Variants in PRDM11 observed in about 807,000 individuals in gnomAD.
PRDM11 encodes the protein PR domain-containing protein 11.
PRDM11 carries 20 observed loss-of-function variants against 97.8 expected under a neutral mutation model. The ratio of observed to expected loss-of-function variants is 0.20; its 90% CI spans 0.14 to 0.30. The LOEUF is 0.30. Ranked by LOEUF, PRDM11 falls within the 10% of genes least tolerant of loss-of-function variation. The probability of loss-of-function intolerance (pLI) is 1.00; values close to 1 mark genes in which losing one functional copy is unlikely to be tolerated. For synonymous variants in PRDM11, 599 were observed against 637.7 expected (o/e 0.94, Z 0.91); for missense variants, 1,139 against 1,555.2 (o/e 0.73, Z 4.50).
chr11:45,116,436 A>C (rs1464729699), intron 1 of PRDM11, among the ~76,000 whole-genome samples: 1 of 152,254 alleles, frequency 6.6e-6, no homozygotes, highest in Non-Finnish European at 1.5e-5. Flanking sequence ...GAAACTTTAC[A>C]GAGTATGTTC....
chr11:45,194,227 G>A (rs1023530944), intron 4 of PRDM11, among the ~76,000 whole-genome samples: 2 of 152,120 alleles, frequency 1.3e-5, no homozygotes, highest in African/African-American at 4.8e-5. Context: ...GAGGATTCCC[G>A]CATATTGATT....
In PRDM11 at chr11:45,204,900, G is replaced by A. The variant is rs1391230483; in HGVS notation, c.554+122G>A. 4 of 1,040,274 alleles carry A rather than the reference G, an allele frequency of 3.8e-6. No homozygotes were observed. In the South Asian group the frequency reaches 4.0e-5, roughly 10 times the overall value. The allele number at this position is 1,040,274 out of a possible 1,614,324, so 64.4% of individuals were successfully genotyped here. A position where few individuals can be genotyped will look rare whatever the true frequency, so the allele number is the denominator to read the frequency against. On this transcript the variant is annotated intron_variant, in intron 5 of 7. Transcript: ENST00000683152. Reference sequence around the variant, plus strand: ...ACTTCTGGAGGCTGCCGTTTGCAGGGTTTGGATGCATCTAGCTCTGAAGGA... The same window carrying A: ...ACTTCTGGAGGCTGCCGTTTGCAGGATTTGGATGCATCTAGCTCTGAAGGA...
chr11:45,162,563 A>G (rs1851956033), intron 1 of PRDM11, among the ~76,000 whole-genome samples: 1 of 152,116 alleles, frequency 6.6e-6, no homozygotes, highest in Non-Finnish European at 1.5e-5. Flanking sequence ...AACCACTCAT[A>G]TTTACTGAGC....
intron 1 of PRDM11, among the ~76,000 whole-genome samples, chr11:45,180,665 TGGCGGGCGGGG>T (rs932260015): frequency 2.7e-5 from 4 of 149,680 alleles, no homozygotes; most frequent in African/African-American, 9.8e-5. Flanking sequence ...ATGCCGGGCC[TGGCGGGCGGGG>T]GGCGGGCGCT....
intron 1 of PRDM11, among the ~76,000 whole-genome samples, chr11:45,154,582 GTGGTAGGGGGGTCCCTGC>G (rs1217071206): frequency 2.6e-5 from 4 of 152,090 alleles, no homozygotes; most frequent in African/African-American, 7.2e-5. Flanking sequence ...GTTGGTGCTA[GTGGTAGGGGGGTCCCTGC>G]TTGCAAAGTG....
intron 4 of PRDM11, among the ~76,000 whole-genome samples, chr11:45,199,676 G>A (rs1370623806): frequency 6.6e-6 from 1 of 152,170 alleles, no homozygotes; most frequent in Non-Finnish European, 1.5e-5. Context: ...CAGTCTTCTG[G>A]GGGGCTTGTC....
intron 1 of PRDM11, among the ~76,000 whole-genome samples, chr11:45,179,349 C>T (rs1043698775): frequency 4.6e-5 from 7 of 152,202 alleles, no homozygotes; most frequent in African/African-American, 1.4e-4. Flanking sequence ...CCTCCACACT[C>T]GTCTGTGTCC....
chr11:45,149,763 C>T (rs1443689673), intron 1 of PRDM11, among the ~76,000 whole-genome samples: 1 of 152,208 alleles, frequency 6.6e-6, no homozygotes, highest in Non-Finnish European at 1.5e-5. Flanking sequence ...TGCGTGAAGC[C>T]CTTGGTGACC....
At chr11:45,122,805 T>C (rs1852468937) in intron 1 of PRDM11, among the ~76,000 whole-genome samples, 3 of 152,214 alleles carry the variant, frequency 2.0e-5, no homozygotes, top group Admixed American at 6.5e-5. Context: ...TAAACATACA[T>C]GTGCATGTGT....
intron 1 of PRDM11, among the ~76,000 whole-genome samples, chr11:45,132,974 T>C (rs1409745347): frequency 2.0e-5 from 3 of 152,160 alleles, no homozygotes; most frequent in Admixed American, 6.5e-5. Flanking sequence ...GTGCCACACA[T>C]ACCCCATCCC....
upstream of PRDM11, among the ~76,000 whole-genome samples, chr11:45,144,514 A>T (rs979453026): frequency 6.6e-6 from 1 of 151,934 alleles, no homozygotes; most frequent in Non-Finnish European, 1.5e-5. Flanking sequence ...TCCTTACCTC[A>T]CTTCCAACTT....
intron 1 of PRDM11, among the ~76,000 whole-genome samples, chr11:45,159,758 T>A (rs1255824653): frequency 6.6e-6 from 1 of 152,190 alleles, no homozygotes; most frequent in Non-Finnish European, 1.5e-5. Flanking sequence ...GGCAGTTAGC[T>A]CTGTGAGCAT....
chr11:45,195,381 C>G (rs1317711713), intron 4 of PRDM11, among the ~76,000 whole-genome samples: 1 of 152,022 alleles, frequency 6.6e-6, no homozygotes, highest in Non-Finnish European at 1.5e-5. Context: ...ATCTTCAACC[C>G]CTCACCCCCA....
chr11:45,225,313 G>A (rs1378305147), intron 7 of PRDM11, among the ~76,000 whole-genome samples: 1 of 152,180 alleles, frequency 6.6e-6, no homozygotes, highest in Admixed American at 6.5e-5. Flanking sequence ...CTAGCCTGGA[G>A]TTCTAGAAGG....
chr11:45,097,098 G>A (rs1023079286), intron 1 of PRDM11, among the ~76,000 whole-genome samples: 1 of 152,344 alleles, frequency 6.6e-6, no homozygotes, highest in Admixed American at 6.5e-5. Context: ...GATATTTCCT[G>A]CAGCTAAATA....
At chr11:45,102,567 C>T (rs1590337158) in intron 1 of PRDM11, among the ~76,000 whole-genome samples, 3 of 152,282 alleles carry the variant, frequency 2.0e-5, no homozygotes, top group African/African-American at 7.2e-5. Flanking sequence ...GTGGGAGCCT[C>T]CTTCACACCG....
At chr11:45,210,799 G>A (rs1039663819) in intron 5 of PRDM11, among the ~76,000 whole-genome samples, 1 of 152,230 alleles carries the variant, frequency 6.6e-6, no homozygotes, top group Admixed American at 6.5e-5. Flanking sequence ...CAATTCAGAA[G>A]CAGGACTTGA....
At chr11:45,220,584 C>T (rs1565342539) in intron 6 of PRDM11, among the ~76,000 whole-genome samples, 1 of 152,244 alleles carries the variant, frequency 6.6e-6, no homozygotes, top group Non-Finnish European at 1.5e-5. Context: ...GTTTCTAATC[C>T]ATATTGGTCT....
At chr11:45,148,213 A>G (rs1045427926) in intron 1 of PRDM11, among the ~76,000 whole-genome samples, 1 of 152,162 alleles carries the variant, frequency 6.6e-6, no homozygotes, top group Non-Finnish European at 1.5e-5. Flanking sequence ...ATTCAGTTTA[A>G]TGGAAAGGCT....
Sources: allele counts gnomAD v4.1 joint callset (sites outside exome capture counted in the v4.1 genomes callset), GRCh38; gene constraint gnomAD v4.1.1; transcripts MANE v1.5; gene names NCBI Gene and HGNC (gene_info 2026-07-23, HGNC 2026-07-21).